SLC35B3: variants seen among roughly 807,000 people sequenced by gnomAD.
SLC35B3 encodes the protein solute carrier family 35 member B3.
A neutral mutation model predicts 44.1 loss-of-function variants in SLC35B3; 35 were observed. The ratio of observed to expected loss-of-function variants is 0.79; its 90% CI spans 0.61 to 1.05. SLC35B3 has a LOEUF of 1.05. Ranked by LOEUF, SLC35B3 falls within the 50% of genes least tolerant of loss-of-function variation. The pLI is 0.00. For synonymous variants in SLC35B3, 146 were observed against 167.3 expected (o/e 0.87, Z 0.98); for missense variants, 414 against 476.4 (o/e 0.87, Z 1.22).
At chr6:8,413,841 A>G in intron 10 of SLC35B3, 142 bp from the exon 10 acceptor site, 1 of 552,776 alleles carries the variant, frequency 1.8e-6, no homozygotes, top group South Asian at 2.7e-5. Context: ...GCATTAAAAT[A>G]AAAATAGTAT....
At chr6:8,414,864 G>T in intron 10 of SLC35B3, 44 bp downstream of exon 9, 4 of 1,097,452 alleles carry the variant, frequency 3.6e-6, no homozygotes, top group Non-Finnish European at 5.4e-6. Context: ...GTGAAACACA[G>T]TATCTAAAAA....
At position 8,422,606 on chromosome 6, in the gene SLC35B3, GT is replaced by G; in HGVS notation, c.437del (p.Tyr146SerfsTer2). ...CCACAGTTAGAAAAGCTATTATCATGTAGGTTTTTCCTGGTATTCTGTAAAA... is the reference window on the plus strand; with the variant it reads ...CCACAGTTAGAAAAGCTATTATCATGAGGTTTTTCCTGGTATTCTGTAAAA... On this transcript the variant is annotated frameshift_variant, in exon 5 of 11. Transcript: ENST00000644923. LOFTEE classifies it high-confidence loss of function. 6.2e-7 allele frequency: 1 copy of G among 1,608,016 alleles called. No individual in the cohort carries two copies. The highest frequency in any genetic ancestry group is 8.5e-7 in the Non-Finnish European group (1 of 1,178,330).
rs139697376 is a variant in SLC35B3 at position 8,420,723 on chromosome 6, G to A, written c.680C>T (p.Thr227Met). 1.8e-5 allele frequency: 29 copies of A among 1,607,406 alleles called. No homozygotes were observed. The highest frequency in any genetic ancestry group is 6.6e-5 in the South Asian group (6 of 90,262). The change falls in exon 6 of 11, where the codon ACG (threonine) becomes ATG (methionine). Residue 227 changes from threonine (T) to methionine (M), a missense_variant and splice_region_variant. By Grantham distance (81) the Thr-to-Met change is moderately conservative. Coordinates refer to ENST00000644923, the MANE Select transcript of SLC35B3 (RefSeq NM_001370476.2). This position sits in a 1 kb window ranked among gnomAD's most constrained non-coding sequence, Gnocchi z 4.4. ...AGGAATATAAATAAATTACTTACCC[G>A]TCAGGTTGAAATTTGGTGCAGTTGT...
In SLC35B3 at chr6:8,419,763, T is replaced by C. The variant is rs1762731108; in HGVS notation, c.683-86A>G. On this transcript the variant is annotated intron_variant, in intron 6 of 10. Transcript: ENST00000644923. This position sits in a 1 kb window ranked among gnomAD's most constrained non-coding sequence, Gnocchi z 4.3. ...TAATCAAGCTTTATCAGAAATTTCA[T>C]TGGTCTAAAAAACAAAAGCAGATCT... The C allele has an allele frequency of 1.7e-5, 12 of 723,912 alleles. No homozygotes were observed. The Middle Eastern group carries it at 3.8e-3, about 228-fold the overall frequency. 44.8% of individuals were successfully genotyped at this position (723,912 alleles called of 1,614,324 possible).
Position 8,413,520 on chromosome 6 carries a change from A to G in SLC35B3, c.*29T>C. 10 of 1,569,430 alleles carry G rather than the reference A, an allele frequency of 6.4e-6. No homozygotes were observed. The highest frequency in any genetic ancestry group is 8.6e-6 in the Non-Finnish European group (10 of 1,161,616). On this transcript the variant is annotated 3_prime_UTR_variant, in exon 11 of 11. Coordinates refer to ENST00000644923, the MANE Select transcript of SLC35B3 (RefSeq NM_001370476.2). ...AATTAATTGATGATTGTTCCCTTAA[A>G]ATTCTATTTTAAATAGGACAATCAC...
intron 9 of SLC35B3, among the ~76,000 whole-genome samples, chr6:8,415,242 T>G (rs1762313753): frequency 6.6e-6 from 1 of 152,214 alleles, no homozygotes; most frequent in Non-Finnish European, 1.5e-5. Flanking sequence ...AAGTACTTGA[T>G]GGAGGCTATG....
At chr6:8,428,774 A>G (rs1763681427) in intron 3 of SLC35B3, among the ~76,000 whole-genome samples, 1 of 152,172 alleles carries the variant, frequency 6.6e-6, no homozygotes, top group African/African-American at 2.4e-5. Context: ...AAATGTTTCT[A>G]AAATGTTTCT....
Position 8,411,853 on chromosome 6 carries a change from C to T in SLC35B3, c.*1696G>A, listed in dbSNP as rs531354135. 4.6e-5 allele frequency among the ~76,000 whole-genome samples: 7 copies of T among 152,102 alleles called. No individual in the cohort carries two copies. The highest frequency in any genetic ancestry group is 3.9e-4 in the East Asian group (2 of 5,180). Reference sequence around the variant, plus strand: ...AAACCAGTATTATTTATATTGAAAACGAAGAATAACAGTATTTTTAAAAAA... The same window carrying T: ...AAACCAGTATTATTTATATTGAAAATGAAGAATAACAGTATTTTTAAAAAA... On this transcript the variant is annotated 3_prime_UTR_variant, in exon 11 of 11. Transcript: ENST00000644923.
chr6:8,414,155 AT>A (rs1233698349), intron 10 of SLC35B3, among the ~76,000 whole-genome samples: 1 of 152,154 alleles, frequency 6.6e-6, no homozygotes, highest in African/African-American at 2.4e-5. Context: ...TTATAATTAT[AT>A]TTATGTATGA....
At chr6:8,415,373 G>A (rs954897090) in intron 9 of SLC35B3, among the ~76,000 whole-genome samples, 19 of 152,116 alleles carry the variant, frequency 1.2e-4, no homozygotes, top group African/African-American at 4.1e-4. Flanking sequence ...TATCTTAATA[G>A]GGGTCATCTC....
At chr6:8,431,118 T>G (rs1470115565) in intron 2 of SLC35B3, among the ~76,000 whole-genome samples, 1 of 152,050 alleles carries the variant, frequency 6.6e-6, no homozygotes, top group African/African-American at 2.4e-5. Flanking sequence ...CTAAAAAAAA[T>G]TATGAAGCCA....
chr6:8,427,789 A>G, intron 4 of SLC35B3, 148 bp downstream of exon 3: 1 of 582,552 alleles, frequency 1.7e-6, no homozygotes, highest in South Asian at 3.1e-5. Flanking sequence ...ATAAATGAAT[A>G]AAATGTATTT....
chr6:8,417,434 C>T lies in SLC35B3; in HGVS notation c.841G>A (p.Gly281Arg). 1 of 1,605,304 alleles carries T rather than the reference C, an allele frequency of 6.2e-7. No homozygotes were observed. Among genetic ancestry groups the T allele is most frequent in the South Asian group, 1.1e-5 (1 of 89,584 alleles). The change falls in exon 8 of 11, where the codon GGA becomes AGA. Residue 281 changes from glycine to arginine, a missense_variant. Coordinates refer to ENST00000644923, the MANE Select transcript of SLC35B3 (RefSeq NM_001370476.2). ...CAAAATGTTACTGCAGGGCCTAATC[C>T]ACTAGTGCATGTCAATCCCAGTAAA...
chr6:8,435,035 G>A lies in SLC35B3; in HGVS notation c.-44+308C>T. Reference sequence around the variant, plus strand: ...TCCAGGTGACTGACAGTTCTCCAGAGACCCCGAGAACAGCGTAAAAGACCC... The same window carrying A: ...TCCAGGTGACTGACAGTTCTCCAGAAACCCCGAGAACAGCGTAAAAGACCC... On this transcript the variant is annotated intron_variant, in intron 1 of 10. Transcript: ENST00000644923. The surrounding 1 kb of genome is among the most constrained non-coding windows in gnomAD (Gnocchi z 5.5). 8.8e-7 allele frequency: 1 copy of A among 1,137,672 alleles called. No homozygotes were observed. Among genetic ancestry groups the A allele is most frequent in the Non-Finnish European group, 1.1e-6 (1 of 894,256 alleles). The allele number at this position is 1,137,672 out of a possible 1,614,324, so 70.5% of individuals were successfully genotyped here.
At position 8,427,441 on chromosome 6, in the gene SLC35B3, C is replaced by T. The variant is rs927869415; in HGVS notation, c.419+496G>A. Among the ~76,000 whole-genome samples the T allele has an allele frequency of 5.9e-5, 9 of 152,200 alleles. No homozygotes were observed. In the East Asian group the frequency reaches 1.2e-3, roughly 20 times the overall value. Reference sequence around the variant, plus strand: ...GCTGGTCATGGTGCACATTTTATATCATTTTGTGCACAAAACAAAATTTGT... The same window carrying T: ...GCTGGTCATGGTGCACATTTTATATTATTTTGTGCACAAAACAAAATTTGT... On this transcript the variant is annotated intron_variant, in intron 4 of 10. Transcript: ENST00000644923.
chr6:8,417,656 T>A (rs577809505), intron 7 of SLC35B3, among the ~76,000 whole-genome samples, 162 bp from the exon 7 acceptor site: 1 of 152,294 alleles, frequency 6.6e-6, no homozygotes, highest in African/African-American at 2.4e-5. Flanking sequence ...TATTTGATTC[T>A]AATGTTTTAT....
In SLC35B3 at chr6:8,434,356, A is replaced by G; in HGVS notation, c.3+29T>C. 1 of 1,608,228 alleles carries G rather than the reference A, an allele frequency of 6.2e-7. No homozygotes were observed. Among genetic ancestry groups the G allele is most frequent in the East Asian group, 2.2e-5 (1 of 44,646 alleles). Reference sequence around the variant, plus strand: ...CGTGATTTTAACTATACTTTGCCACACTCAACGTTACAAATAAAAGAATCT... The same window carrying G: ...CGTGATTTTAACTATACTTTGCCACGCTCAACGTTACAAATAAAAGAATCT... On this transcript the variant is annotated intron_variant, in intron 2 of 10. Coordinates refer to ENST00000644923, the MANE Select transcript of SLC35B3 (RefSeq NM_001370476.2). The surrounding 1 kb of genome is among the most constrained non-coding windows in gnomAD (Gnocchi z 6.3).
At chr6:8,417,810 C>T (rs1270739531) in intron 7 of SLC35B3, among the ~76,000 whole-genome samples, 1 of 147,492 alleles carries the variant, frequency 6.8e-6, no homozygotes, top group Non-Finnish European at 1.5e-5. Flanking sequence ...ATAAATGAAA[C>T]AAAACAAAAA....
intron 4 of SLC35B3, among the ~76,000 whole-genome samples, chr6:8,424,912 A>G (rs992192033): frequency 1.3e-5 from 2 of 152,262 alleles, no homozygotes; most frequent in Admixed American, 1.3e-4. Flanking sequence ...GAAAAAAATA[A>G]CAACAGCAAA....
Sources: allele counts gnomAD v4.1 joint callset (sites outside exome capture counted in the v4.1 genomes callset), GRCh38; gene constraint gnomAD v4.1.1; non-coding constraint Gnocchi (gnomAD v3.1); transcripts MANE v1.5; gene names NCBI Gene and HGNC (gene_info 2026-07-23, HGNC 2026-07-21).